ADGRD1: variants seen among roughly 807,000 people sequenced by gnomAD.
ADGRD1 encodes the protein adhesion G protein-coupled receptor D1.
Under a neutral mutation model 113.4 loss-of-function variants are expected in ADGRD1, and 77 were observed. The observed-to-expected ratio is 0.68, with a 90% CI of 0.57 to 0.82. The LOEUF (loss-of-function observed/expected upper bound fraction) is 0.82, where lower values mean the gene tolerates loss of function less well. Ranked by LOEUF, ADGRD1 falls within the 40% of genes least tolerant of loss-of-function variation. The pLI is 0.00. For missense variants in ADGRD1, 1,036 were observed against 1,139.1 expected (o/e 0.91, Z 1.30); for synonymous variants, 474 against 475.0 (o/e 1.00, Z 0.03).
intron 13 of ADGRD1, among the ~76,000 whole-genome samples, chr12:131,055,321 GGTTGATTCA>G (rs1472549580): frequency 6.6e-6 from 1 of 152,090 alleles, no homozygotes; most frequent in Non-Finnish European, 1.5e-5. Flanking sequence ...GGTCTCGTCT[GGTTGATTCA>G]GTTGATTCTT....
At chr12:131,111,502 A>G (rs902499470) in intron 18 of ADGRD1, among the ~76,000 whole-genome samples, 5 of 151,984 alleles carry the variant, frequency 3.3e-5, no homozygotes, top group Non-Finnish European at 7.4e-5. Flanking sequence ...TCCTTTCTCT[A>G]TCTCCTGTCT....
Position 131,050,884 on chromosome 12 carries a change from C to T in ADGRD1, c.1474-25917C>T, listed in dbSNP as rs538680664. Reference sequence around the variant, plus strand: ...GGTTTGCATTCCTATGAGAATCAAACGCCCGGCTGATCTGATAGGAGGGGA... The same window carrying T: ...GGTTTGCATTCCTATGAGAATCAAATGCCCGGCTGATCTGATAGGAGGGGA... On this transcript the variant is annotated intron_variant, in intron 13 of 24. Transcript: ENST00000261654. The surrounding 1 kb of genome is among the most constrained non-coding windows in gnomAD (Gnocchi z 4.8). Among the ~76,000 whole-genome samples the T allele has an allele frequency of 6.6e-6, 1 of 152,234 alleles. No individual in the cohort carries two copies. Among genetic ancestry groups the T allele is most frequent in the East Asian group, 1.9e-4 (1 of 5,164 alleles).
intron 15 of ADGRD1, among the ~76,000 whole-genome samples, chr12:131,100,950 G>A (rs943290970): frequency 2.6e-5 from 4 of 152,232 alleles, no homozygotes; most frequent in Admixed American, 6.5e-5. Flanking sequence ...ATGGGTAGAT[G>A]TGAGGGCTCT....
intron 15 of ADGRD1, among the ~76,000 whole-genome samples, chr12:131,098,999 C>T (rs1178549843): frequency 1.3e-5 from 2 of 152,224 alleles, no homozygotes; most frequent in African/African-American, 4.8e-5. Flanking sequence ...CACTCACAGG[C>T]TTGCTCTGAG....
chr12:131,017,774 ACT>A (rs1488793520), intron 13 of ADGRD1, among the ~76,000 whole-genome samples: 1 of 149,176 alleles, frequency 6.7e-6, no homozygotes, highest in African/African-American at 2.5e-5. Context: ...GTGCTCACAC[ACT>A]CAGTACACAC....
chr12:131,078,622 A>G (rs567684878), intron 14 of ADGRD1, among the ~76,000 whole-genome samples: 2 of 152,356 alleles, frequency 1.3e-5, no homozygotes, highest in South Asian at 2.1e-4. Flanking sequence ...TTTTAAGAAC[A>G]TAGAAAAGTA....
chr12:131,076,685 A>C, intron 13 of ADGRD1, 116 bp from the exon 14 acceptor site: 1 of 818,556 alleles, frequency 1.2e-6, no homozygotes, highest in Non-Finnish European at 2.1e-6. Flanking sequence ...ATCAGTGGCT[A>C]TGCCTGTCCC....
At chr12:130,963,339 AAAAG>A (rs1203292375) in intron 2 of ADGRD1, among the ~76,000 whole-genome samples, 5,224 of 135,636 alleles carry the variant, frequency 0.039, 146 homozygotes, top group South Asian at 0.078. Flanking sequence ...AAAAAAAAAA[AAAAG>A]AAAGAAAAAT....
intron 8 of ADGRD1, chr12:130,994,298 T>C: frequency 2.3e-6 from 1 of 444,196 alleles, no homozygotes; most frequent in Non-Finnish European, 4.5e-6. Flanking sequence ...AACACTCTTG[T>C]TTTTGTTGAG....
chr12:130,969,073 GTGAGCAT>G, intron 3 of ADGRD1: 1 of 1,476,554 alleles, frequency 6.8e-7, no homozygotes, highest in Non-Finnish European at 9.2e-7. Context: ...GCAACTGTAG[GTGAGCAT>G]TTATGTACTT....
At position 131,022,969 on chromosome 12, in the gene ADGRD1, C is replaced by T. The variant is rs1348346313; in HGVS notation, c.1473+8629C>T. 2 of 152,250 alleles carry T rather than the reference C, an allele frequency of 1.3e-5. No individual in the cohort carries two copies. The highest frequency in any genetic ancestry group is 3.4e-3 in the Middle Eastern group (1 of 294). 9.4% of individuals were successfully genotyped at this position (152,250 alleles called of 1,614,324 possible). A position where few individuals can be genotyped will look rare whatever the true frequency, so the allele number is the denominator to read the frequency against. On this transcript the variant is annotated intron_variant, in intron 13 of 24. Transcript: ENST00000261654. The surrounding 1 kb of genome is among the most constrained non-coding windows in gnomAD (Gnocchi z 4.6). ...TTGCATTCTGATACCTGTTTCTGGT[C>T]TAAGACTGTGGGATTCATTTAGCCT...
chr12:131,076,928 C>T (rs1469439717), intron 14 of ADGRD1, 54 bp downstream of exon 14: 13 of 1,397,444 alleles, frequency 9.3e-6, no homozygotes, highest in East Asian at 4.6e-5. Flanking sequence ...AGCCCAGGCC[C>T]GCCCCATGCC....
chr12:131,051,034 G>C (rs1293515605), intron 13 of ADGRD1, among the ~76,000 whole-genome samples: 1 of 152,178 alleles, frequency 6.6e-6, no homozygotes, highest in Admixed American at 6.5e-5. Flanking sequence ...CCATTCATGA[G>C]AACACCGCCC....
At chr12:130,997,130 C>CG (rs1875593670) in intron 8 of ADGRD1, among the ~76,000 whole-genome samples, 1 of 93,300 alleles carries the variant, frequency 1.1e-5, no homozygotes, top group African/African-American at 4.4e-5. Context: ...GCTGGCCGGG[C>CG]GGGGGGCTGA....
rs906124674 is a variant in ADGRD1 at position 131,041,322 on chromosome 12, C to G, written c.1473+26982C>G. On this transcript the variant is annotated intron_variant, in intron 13 of 24. Coordinates refer to ENST00000261654, the MANE Select transcript of ADGRD1 (RefSeq NM_198827.5). This position sits in a 1 kb window ranked among gnomAD's most constrained non-coding sequence, Gnocchi z 4.4. Reference sequence around the variant, plus strand: ...AAAGGAGCTGCAGAGGATACCAGCCCTGGAAGGAGGAAGTTGTCTGGGGAG... The same window carrying G: ...AAAGGAGCTGCAGAGGATACCAGCCGTGGAAGGAGGAAGTTGTCTGGGGAG... Among the ~76,000 whole-genome samples the G allele has an allele frequency of 2.6e-5, 4 of 152,038 alleles. No homozygotes were observed. Among genetic ancestry groups the G allele is most frequent in the African/African-American group, 9.7e-5 (4 of 41,390 alleles).
At chr12:130,996,849 C>T (rs1377852049) in intron 8 of ADGRD1, among the ~76,000 whole-genome samples, 2 of 121,498 alleles carry the variant, frequency 1.6e-5, no homozygotes, top group Non-Finnish European at 3.6e-5. Flanking sequence ...CCCCCCACCT[C>T]CCTCCCGGAC....
Position 130,992,336 on chromosome 12 carries a change from T to A in ADGRD1, c.910T>A (p.Ser304Thr). Residue 304 changes from serine (S) to threonine (T), a missense_variant, in exon 8 of 25, where the codon TCC (serine) becomes ACC (threonine). Transcript: ENST00000261654. ...GATACTGAGTTACCTCCAAAATGTA[T>A]CCCTCAGCTTACCCAGTAAGTCCCT... ...GVILSYLQNV[S>T]LSLPSKSLSE... 6.2e-7 allele frequency: 1 copy of A among 1,613,538 alleles called. No homozygotes were observed. The highest frequency in any genetic ancestry group is 1.1e-5 in the South Asian group (1 of 91,052).
intron 17 of ADGRD1, among the ~76,000 whole-genome samples, chr12:131,106,244 T>G (rs1229795459): frequency 6.6e-6 from 1 of 152,202 alleles, no homozygotes; most frequent in Admixed American, 6.5e-5. Context: ...GACGGCCTGG[T>G]GTGGGCAGAC....
At chr12:130,964,107 C>T (rs1000565979) in intron 2 of ADGRD1, among the ~76,000 whole-genome samples, 2 of 152,058 alleles carry the variant, frequency 1.3e-5, no homozygotes, top group Non-Finnish European at 2.9e-5. Flanking sequence ...CCTCAATATT[C>T]GGTTGGTTCT....
Sources: allele counts gnomAD v4.1 joint callset (sites outside exome capture counted in the v4.1 genomes callset), GRCh38; gene constraint gnomAD v4.1.1; non-coding constraint Gnocchi (gnomAD v3.1); transcripts MANE v1.5; gene names NCBI Gene and HGNC (gene_info 2026-07-23, HGNC 2026-07-21).